Variants in SORCS2 observed in about 807,000 individuals in gnomAD.
SORCS2 encodes VPS10 domain-containing receptor SorCS2.
SORCS2 carries 100 observed loss-of-function variants against 141.6 expected under a neutral mutation model. That is an observed-to-expected ratio of 0.71 (90% CI 0.60 to 0.83). SORCS2 has a LOEUF of 0.83. SORCS2 is among the 40% of genes least tolerant of loss of function. The pLI, the probability that SORCS2 is intolerant of heterozygous loss-of-function variation, is 0.00. For synonymous variants in SORCS2, 789 were observed against 676.9 expected (o/e 1.17, Z -2.57); for missense variants, 1,646 against 1,560.2 (o/e 1.05, Z -0.93).
At chr4:7,588,864 G>A (rs1716715675) in intron 3 of SORCS2, among the ~76,000 whole-genome samples, 1 of 152,200 alleles carries the variant, frequency 6.6e-6, no homozygotes, top group Admixed American at 6.5e-5. Context: ...CTTTTGTTTG[G>A]TTTGGTTATT....
At chr4:7,244,406 G>A (rs1712936858) in intron 1 of SORCS2, among the ~76,000 whole-genome samples, 3 of 152,266 alleles carry the variant, frequency 2.0e-5, no homozygotes, top group Admixed American at 2.0e-4. Flanking sequence ...GGAACGCGGC[G>A]CTGCTCCTGC....
chr4:7,406,869 G>T (rs1023335518), intron 2 of SORCS2, among the ~76,000 whole-genome samples: 3 of 151,548 alleles, frequency 2.0e-5, no homozygotes, highest in African/African-American at 7.3e-5. Flanking sequence ...CATAGATTTG[G>T]GTGTGTTGTG....
At chr4:7,703,091 G>T (rs2253959) in intron 12 of SORCS2, among the ~76,000 whole-genome samples, 189 bp from the exon 13 acceptor site, 38,104 of 152,190 alleles carry the variant, frequency 0.25, 5,036 homozygotes, top group Middle Eastern at 0.34. Context: ...TCCAGGGTGC[G>T]CTGAGTCCGC....
At chr4:7,644,965 A>G (rs910054496) in intron 4 of SORCS2, among the ~76,000 whole-genome samples, 1 of 152,146 alleles carries the variant, frequency 6.6e-6, no homozygotes. Context: ...TTCTGCAGCA[A>G]TTGATGGTGG....
chr4:7,290,894 C>T (rs755132133), intron 1 of SORCS2, among the ~76,000 whole-genome samples: 6 of 151,708 alleles, frequency 4.0e-5, no homozygotes, highest in Non-Finnish European at 4.4e-5. Context: ...CAGACATAGT[C>T]CCTGGCTGGC....
intron 20 of SORCS2, among the ~76,000 whole-genome samples, chr4:7,726,033 T>A (rs937474401): frequency 1.3e-5 from 2 of 152,216 alleles, no homozygotes; most frequent in African/African-American, 4.8e-5. Context: ...AGCCTCTGCC[T>A]CCACATCCAC....
chr4:7,657,762 CTGAG>C (rs1284325645), intron 5 of SORCS2, among the ~76,000 whole-genome samples: 3 of 142,216 alleles, frequency 2.1e-5, no homozygotes, highest in Non-Finnish European at 3.1e-5. Flanking sequence ...GAGTGAGTGG[CTGAG>C]TGAGTGAGTC....
intron 18 of SORCS2, among the ~76,000 whole-genome samples, chr4:7,722,883 G>A (rs560497427): frequency 2.6e-5 from 4 of 152,266 alleles, no homozygotes; most frequent in East Asian, 1.9e-4. Context: ...TAGTAATCAC[G>A]CTGTTTCCTC....
intron 9 of SORCS2, among the ~76,000 whole-genome samples, chr4:7,682,465 T>A (rs1003910611): frequency 6.6e-6 from 1 of 152,174 alleles, no homozygotes; most frequent in African/African-American, 2.4e-5. Flanking sequence ...TGATGGTTGG[T>A]GTCTGGACCT....
intron 3 of SORCS2, among the ~76,000 whole-genome samples, chr4:7,575,726 T>A (rs1280515854): frequency 6.6e-6 from 1 of 152,236 alleles, no homozygotes; most frequent in African/African-American, 2.4e-5. Flanking sequence ...TGTCCTTGTT[T>A]ACCCATGGCT....
At chr4:7,709,146 CTTTCATGTGGTCA>C (rs1725665133) in intron 14 of SORCS2, among the ~76,000 whole-genome samples, 1 of 152,210 alleles carries the variant, frequency 6.6e-6, no homozygotes, top group East Asian at 1.9e-4. Flanking sequence ...TGTTGTGGGC[CTTTCATGTGGTCA>C]AGCCGTTCCT....
intron 1 of SORCS2, among the ~76,000 whole-genome samples, chr4:7,341,365 T>A (rs995333015): frequency 2.0e-5 from 3 of 152,212 alleles, no homozygotes; most frequent in African/African-American, 7.2e-5. Flanking sequence ...GCCTTCCTAG[T>A]CCTGCAAATG....
intron 3 of SORCS2, among the ~76,000 whole-genome samples, chr4:7,595,367 G>A (rs1222701817): frequency 6.6e-6 from 1 of 152,104 alleles, no homozygotes. Context: ...CATTACGTAG[G>A]CACGGTGGAT....
At chr4:7,529,815 C>T (rs866862132) in intron 2 of SORCS2, among the ~76,000 whole-genome samples, 1 of 152,200 alleles carries the variant, frequency 6.6e-6, no homozygotes, top group Non-Finnish European at 1.5e-5. Context: ...AGAGTAAGTG[C>T]GTCCTAATTA....
At chr4:7,381,426 C>G (rs867363265) in intron 1 of SORCS2, among the ~76,000 whole-genome samples, 2 of 152,174 alleles carry the variant, frequency 1.3e-5, no homozygotes, top group Non-Finnish European at 2.9e-5. Flanking sequence ...CAGCCTTCCC[C>G]GAAGCTGACA....
At chr4:7,524,444 G>A (rs1301849121) in intron 2 of SORCS2, among the ~76,000 whole-genome samples, 1 of 152,030 alleles carries the variant, frequency 6.6e-6, no homozygotes, top group African/African-American at 2.4e-5. Flanking sequence ...AGCAGCCTGG[G>A]ACCCTAACCC....
chr4:7,673,077 T>G (rs1171684645), intron 8 of SORCS2, among the ~76,000 whole-genome samples: 1 of 152,254 alleles, frequency 6.6e-6, no homozygotes, highest in Non-Finnish European at 1.5e-5. Context: ...TCTCTGCTTC[T>G]ACCTTTTCTC....
chr4:7,674,564 A>C (rs1157036146), intron 8 of SORCS2, among the ~76,000 whole-genome samples: 2 of 127,724 alleles, frequency 1.6e-5, no homozygotes, highest in African/African-American at 3.1e-5. Context: ...ACAGAGCGAG[A>C]CTCTGTCTCA....
At chr4:7,615,510 G>A (rs1407054949) in intron 3 of SORCS2, among the ~76,000 whole-genome samples, 1 of 152,124 alleles carries the variant, frequency 6.6e-6, no homozygotes, top group Non-Finnish European at 1.5e-5. Context: ...TTGCACCCTG[G>A]GGTGATCTAA....
Sources: allele counts gnomAD v4.1 joint callset (sites outside exome capture counted in the v4.1 genomes callset), GRCh38; gene constraint gnomAD v4.1.1; transcripts MANE v1.5; gene names NCBI Gene and HGNC (gene_info 2026-07-23, HGNC 2026-07-21).